Variants in SRPK1 observed in about 807,000 individuals in gnomAD.
The protein encoded by SRPK1 is SFRS protein kinase 1.
Under a neutral mutation model 89.5 loss-of-function variants are expected in SRPK1, and 52 were observed. That is an observed-to-expected ratio of 0.58 (90% CI 0.46 to 0.73). The LOEUF is 0.73. Ranked by LOEUF, SRPK1 falls within the 30% of genes least tolerant of loss-of-function variation. SRPK1 has a pLI of 0.00. For missense variants in SRPK1, 603 were observed against 780.6 expected (o/e 0.77, Z 2.71); for synonymous variants, 255 against 270.2 (o/e 0.94, Z 0.55).
intron 13 of SRPK1, among the ~76,000 whole-genome samples, chr6:35,856,572 A>C (rs1769671017): frequency 6.6e-6 from 1 of 152,222 alleles, no homozygotes; most frequent in Non-Finnish European, 1.5e-5. Flanking sequence ...AAAATGTGTC[A>C]GGCAATGAAT....
intron 13 of SRPK1, among the ~76,000 whole-genome samples, chr6:35,855,104 A>G (rs994011034): frequency 6.6e-6 from 1 of 152,144 alleles, no homozygotes; most frequent in Non-Finnish European, 1.5e-5. Flanking sequence ...GATCAAGACC[A>G]TCCTGGCTAA....
intron 14 of SRPK1, among the ~76,000 whole-genome samples, chr6:35,839,275 C>T (rs990494280): frequency 3.3e-5 from 5 of 152,246 alleles, no homozygotes; most frequent in Admixed American, 1.3e-4. Flanking sequence ...CTTGGCCTCC[C>T]GAAGTGTTGG....
At position 35,891,486 on chromosome 6, in the gene SRPK1, G is replaced by A. The variant is rs918296042; in HGVS notation, c.75-473C>T. Among the ~76,000 whole-genome samples the A allele has an allele frequency of 4.6e-5, 7 of 152,188 alleles. No individual in the cohort carries two copies. The South Asian group carries it at 6.2e-4, about 14-fold the overall frequency. ...TGTAATCCCAGCACTTTGGGAGGCC[G>A]AGGTGGGTGGATCACCTGAGGTCAG... On this transcript the variant is annotated intron_variant, in intron 2 of 15. Transcript: ENST00000373825.
intron 2 of SRPK1, among the ~76,000 whole-genome samples, chr6:35,898,529 A>AT (rs1273504985): frequency 6.6e-6 from 1 of 152,108 alleles, no homozygotes; most frequent in Non-Finnish European, 1.5e-5. Flanking sequence ...TGAAATAATT[A>AT]TTTTTTTAAG....
chr6:35,857,592 T>G (rs1390550567), intron 12 of SRPK1, among the ~76,000 whole-genome samples: 1 of 152,196 alleles, frequency 6.6e-6, no homozygotes, highest in Non-Finnish European at 1.5e-5. Context: ...AGCCTAAACT[T>G]AATATACACA....
At chr6:35,891,605 T>C (rs2127258507) in intron 2 of SRPK1, among the ~76,000 whole-genome samples, 1 of 151,758 alleles carries the variant, frequency 6.6e-6, no homozygotes, top group East Asian at 1.9e-4. Flanking sequence ...CCCCACGCTG[T>C]AATCCCAGCT....
At chr6:35,859,977 G>T (rs1769746655) in intron 12 of SRPK1, among the ~76,000 whole-genome samples, 1 of 151,174 alleles carries the variant, frequency 6.6e-6, no homozygotes, top group South Asian at 2.1e-4. Context: ...TCCTGCCTCT[G>T]CCTCCCAAGT....
intron 6 of SRPK1, among the ~76,000 whole-genome samples, chr6:35,880,779 C>A (rs1170043112): frequency 2.5e-4 from 16 of 64,490 alleles, no homozygotes; most frequent in South Asian, 5.6e-4. Context: ...AATGGCCAGA[C>A]AGAATATTTG....
chr6:35,872,136 T>C (rs1770047864), intron 8 of SRPK1, among the ~76,000 whole-genome samples: 1 of 152,190 alleles, frequency 6.6e-6, no homozygotes, highest in Non-Finnish European at 1.5e-5. Flanking sequence ...TAAAGTAAAA[T>C]AACTCAGCTA....
chr6:35,907,606 G>A (rs1770875495), intron 2 of SRPK1, among the ~76,000 whole-genome samples: 1 of 152,106 alleles, frequency 6.6e-6, no homozygotes, highest in African/African-American at 2.4e-5. Flanking sequence ...TTGGGAGGCT[G>A]AGGCAGGAGA....
intron 2 of SRPK1, among the ~76,000 whole-genome samples, chr6:35,909,063 G>C (rs1274770941): frequency 6.6e-6 from 1 of 152,228 alleles, no homozygotes; most frequent in Non-Finnish European, 1.5e-5. Context: ...CCCCCACACA[G>C]AGTCTGCACC....
At chr6:35,845,015 T>TAG (rs1185387645) in intron 13 of SRPK1, among the ~76,000 whole-genome samples, 2 of 152,156 alleles carry the variant, frequency 1.3e-5, no homozygotes, top group African/African-American at 4.8e-5. Context: ...TGGAGGAACC[T>TAG]TAAATGCATA....
chr6:35,869,696 G>C lies in SRPK1; in HGVS notation c.1197C>G (p.Ser399Arg). ...ATGTGCTGCTGTCTCCATTTTGGGAGCTTAGGAAACTAGATTCCTGATTCA... is the reference window on the plus strand; with the variant it reads ...ATGTGCTGCTGTCTCCATTTTGGGACCTTAGGAAACTAGATTCCTGATTCA... ...QNLNQESSFL[S>R]SQNGDSSTSQ... Residue 399 changes from serine (S) to arginine (R), a missense_variant, in exon 11 of 16, where the codon AGC becomes AGG. Physicochemically the swap from Ser to Arg is moderately radical, Grantham distance 110. Transcript: ENST00000373825. 6.2e-7 allele frequency: 1 copy of C among 1,613,834 alleles called. No individual in the cohort carries two copies. The highest frequency in any genetic ancestry group is 8.5e-7 in the Non-Finnish European group (1 of 1,179,762).
intron 6 of SRPK1, among the ~76,000 whole-genome samples, chr6:35,875,806 C>A (rs1561981574): frequency 6.6e-6 from 1 of 151,974 alleles, no homozygotes; most frequent in Admixed American, 6.6e-5. Flanking sequence ...CCACAGATTG[C>A]TTATTAATTA....
chr6:35,880,001 A>C (rs897574685), intron 6 of SRPK1, among the ~76,000 whole-genome samples: 1 of 148,904 alleles, frequency 6.7e-6, no homozygotes, highest in Non-Finnish European at 1.5e-5. Flanking sequence ...GTCAAGGCTG[A>C]TGTGAGCTGT....
chr6:35,870,899 G>T, intron 9 of SRPK1, 35 bp downstream of exon 9: 1 of 1,559,470 alleles, frequency 6.4e-7, no homozygotes, highest in Non-Finnish European at 8.8e-7. Flanking sequence ...ATAGTCCATA[G>T]ATCAAAATTA....
At chr6:35,839,997 G>C (rs1201540279) in intron 14 of SRPK1, among the ~76,000 whole-genome samples, 1 of 151,730 alleles carries the variant, frequency 6.6e-6, no homozygotes, top group East Asian at 1.9e-4. Flanking sequence ...TGTAGAGATG[G>C]GGTTTTGCCA....
chr6:35,879,430 C>T (rs1243652999), intron 6 of SRPK1, among the ~76,000 whole-genome samples: 1 of 151,074 alleles, frequency 6.6e-6, no homozygotes, highest in Non-Finnish European at 1.5e-5. Context: ...ACTGTAGTCT[C>T]AGCTATTTGA....
intron 6 of SRPK1, among the ~76,000 whole-genome samples, chr6:35,877,343 T>C (rs1226057138): frequency 6.6e-6 from 1 of 152,054 alleles, no homozygotes; most frequent in East Asian, 1.9e-4. Flanking sequence ...TTTATAGAAA[T>C]ACAAAACATC....
Sources: gnomAD v4.1 joint callset for allele counts (sites outside exome capture counted in the v4.1 genomes callset) on GRCh38, gnomAD v4.1.1 for gene constraint, MANE v1.5 for transcripts, NCBI Gene and HGNC (gene_info 2026-07-23, HGNC 2026-07-21) for gene names.